The following ARHGEF15 variants were observed in gnomAD, a reference collection of about 807,000 sequenced individuals.
ARHGEF15 encodes the protein Rho guanine nucleotide exchange factor 15.
Under a neutral mutation model 79.7 loss-of-function variants are expected in ARHGEF15, and 58 were observed. That is an observed-to-expected ratio of 0.73 (90% CI 0.59 to 0.91). ARHGEF15 has a LOEUF of 0.91. Among genes scored for constraint, ARHGEF15 ranks in the 40% least tolerant of loss-of-function variants. The probability of loss-of-function intolerance (pLI) is 0.00; values close to 1 mark genes in which losing one functional copy is unlikely to be tolerated. For missense variants in ARHGEF15, 1,012 were observed against 1,108.1 expected, an observed-to-expected ratio of 0.91 and a Z score of 1.23; for synonymous variants, 442 against 456.0, an observed-to-expected ratio of 0.97 and a Z score of 0.39.
chr17:8,321,614 T>G lies in ARHGEF15; in HGVS notation c.*621T>G, dbSNP rs1905390669. 1 of 151,624 alleles carries G rather than the reference T, an allele frequency of 6.6e-6. No individual in the cohort carries two copies. Among genetic ancestry groups the G allele is most frequent in the African/African-American group, 2.4e-5 (1 of 41,162 alleles). The allele number at this position is 151,624 out of a possible 1,614,324, so 9.4% of individuals were successfully genotyped here. ...GTGCATGTGTAGATATGTGTGTATATGTATCAGGAAAGGCATTCTGCTGAC... is the reference window on the plus strand; with the variant it reads ...GTGCATGTGTAGATATGTGTGTATAGGTATCAGGAAAGGCATTCTGCTGAC... On this transcript the variant is annotated 3_prime_UTR_variant, in exon 16 of 16. Transcript: ENST00000361926.
chr17:8,321,043 C>T lies in ARHGEF15; in HGVS notation c.*50C>T, dbSNP rs1406991793. On this transcript the variant is annotated 3_prime_UTR_variant, in exon 16 of 16. Transcript: ENST00000361926. Reference sequence around the variant, plus strand: ...TTGGGAGACACCTACCAGTGTGGCACGGAGAGAACAAAGCCCATTCATCCA... The same window carrying T: ...TTGGGAGACACCTACCAGTGTGGCATGGAGAGAACAAAGCCCATTCATCCA... The T allele has an allele frequency of 2.6e-5, 41 of 1,607,448 alleles. No individual in the cohort carries two copies. Among genetic ancestry groups the T allele is most frequent in the Non-Finnish European group, 3.2e-5 (38 of 1,175,330 alleles).
In ARHGEF15 at chr17:8,312,126, G is replaced by T; in HGVS notation, c.87G>T (p.Arg29Ser). 1 of 1,541,968 alleles carries T rather than the reference G, an allele frequency of 6.5e-7. No homozygotes were observed. Among genetic ancestry groups the T allele is most frequent in the Non-Finnish European group, 8.7e-7 (1 of 1,147,980 alleles). ...GCCCCCGCCCTCCTTCTCGTTCCAG[G>T]GCTGCCCAGTCCCCAGGGCCTCCCC... Reference protein sequence around the residue: ...IIRPRPPSRSRAAQSPGPPHN... With the variant: ...IIRPRPPSRSSAAQSPGPPHN... The change falls in exon 2 of 16, where the codon AGG (arginine) becomes AGT (serine). Residue 29 changes from arginine to serine, a missense_variant. Coordinates refer to ENST00000361926, the MANE Select transcript of ARHGEF15 (RefSeq NM_173728.4).
At chr17:8,312,704 C>G in intron 2 of ARHGEF15, 64 bp downstream of exon 2, 1 of 1,608,344 alleles carries the variant, frequency 6.2e-7, no homozygotes, top group East Asian at 2.2e-5. Context: ...GTTTTCAGTG[C>G]TAACAACTTT....
rs1366689702 is a variant in ARHGEF15 at position 8,318,247 on chromosome 17, G to C, written c.1705-140G>C. The C allele has an allele frequency of 3.1e-5, 25 of 800,880 alleles. No individual in the cohort carries two copies. In the East Asian group the frequency reaches 4.2e-4, roughly 13 times the overall value. The allele number at this position is 800,880 out of a possible 1,614,324, so 49.6% of individuals were successfully genotyped here. Reference sequence around the variant, plus strand: ...CAGAGAGGTAACAGGACTTGCTCAGGGTTCTGCAGATGGTGAGTGATGAGG... The same window carrying C: ...CAGAGAGGTAACAGGACTTGCTCAGCGTTCTGCAGATGGTGAGTGATGAGG... On this transcript the variant is annotated intron_variant, in intron 9 of 15. Coordinates refer to ENST00000361926, the MANE Select transcript of ARHGEF15 (RefSeq NM_173728.4). The surrounding 1 kb of genome is among the most constrained non-coding windows in gnomAD (Gnocchi z 5.0).
chr17:8,312,859 G>A, intron 2 of ARHGEF15, 63 bp from the exon 3 acceptor site: 2 of 1,566,054 alleles, frequency 1.3e-6, no homozygotes, highest in Non-Finnish European at 1.7e-6. Flanking sequence ...AGATGGAGAT[G>A]GTCTGGGCGG....
chr17:8,313,057 C>A lies in ARHGEF15; in HGVS notation c.737C>A (p.Thr246Asn), dbSNP rs760027686. Residue 246 changes from threonine (T) to asparagine (N), a missense_variant, in exon 3 of 16, where the codon ACC becomes AAC. Physicochemically the swap from Thr to Asn is moderately conservative, Grantham distance 65 (BLOSUM62 0). This residue lies in a region of ARHGEF15 where 818 missense variants were observed against 882.5 expected (regional missense o/e 0.93). Coordinates refer to ENST00000361926, the MANE Select transcript of ARHGEF15 (RefSeq NM_173728.4). ...RVPRRASPLR[T>N]SRSRPHPPSI... Reference sequence around the variant, plus strand: ...CCCCGTCGGGCCTCCCCGCTGCGGACCTCTCGCTCCCGCCCCCACCCTCCA... The same window carrying A: ...CCCCGTCGGGCCTCCCCGCTGCGGAACTCTCGCTCCCGCCCCCACCCTCCA... The A allele has an allele frequency of 3.0e-5, 48 of 1,613,424 alleles. No individual in the cohort carries two copies. Among genetic ancestry groups the A allele is most frequent in the Non-Finnish European group, 3.6e-5 (42 of 1,179,830 alleles).
Position 8,321,234 on chromosome 17 carries a change from C to A in ARHGEF15, c.*241C>A. On this transcript the variant is annotated 3_prime_UTR_variant, in exon 16 of 16. Coordinates refer to ENST00000361926, the MANE Select transcript of ARHGEF15 (RefSeq NM_173728.4). ...GAGACAGAGGCTTAGTGCAGAGCAG[C>A]CAATGGGTACTGAGCTGGCTGAGCC... 5.5e-6 allele frequency: 3 copies of A among 547,006 alleles called. No homozygotes were observed. The East Asian group carries it at 9.5e-5, about 17-fold the overall frequency. The allele number at this position is 547,006 out of a possible 1,614,324, so 33.9% of individuals were successfully genotyped here.
chr17:8,317,453 G>T (rs1905098502), intron 9 of ARHGEF15, among the ~76,000 whole-genome samples: 1 of 152,018 alleles, frequency 6.6e-6, no homozygotes, highest in Non-Finnish European at 1.5e-5. Context: ...GTGTCTTTAT[G>T]ATCTTATTCA....
Position 8,318,296 on chromosome 17 carries a change from C to A in ARHGEF15, c.1705-91C>A. ...GGTCTGTCAGCCTTGTTGAAACTGG[C>A]TGAAACAGACAGGGTCCTCTGAGCT... On this transcript the variant is annotated intron_variant, in intron 9 of 15. Coordinates refer to ENST00000361926, the MANE Select transcript of ARHGEF15 (RefSeq NM_173728.4). This position sits in a 1 kb window ranked among gnomAD's most constrained non-coding sequence, Gnocchi z 5.0. The A allele has an allele frequency of 7.8e-7, 1 of 1,277,522 alleles. No individual in the cohort carries two copies. The highest frequency in any genetic ancestry group is 1.1e-6 in the Non-Finnish European group (1 of 910,366). The allele number at this position is 1,277,522 out of a possible 1,614,324, so 79.1% of individuals were successfully genotyped here.
Position 8,318,263 on chromosome 17 carries a change from A to T in ARHGEF15, c.1705-124A>T. 1 of 882,308 alleles carries T rather than the reference A, an allele frequency of 1.1e-6. No individual in the cohort carries two copies. The highest frequency in any genetic ancestry group is 1.7e-5 in the African/African-American group (1 of 59,524). 54.7% of individuals were successfully genotyped at this position (882,308 alleles called of 1,614,324 possible). A position where few individuals can be genotyped will look rare whatever the true frequency, so the allele number is the denominator to read the frequency against. On this transcript the variant is annotated intron_variant, in intron 9 of 15. Coordinates refer to ENST00000361926, the MANE Select transcript of ARHGEF15 (RefSeq NM_173728.4). This position sits in a 1 kb window ranked among gnomAD's most constrained non-coding sequence, Gnocchi z 5.0. The stretch of plus-strand genomic sequence containing the variant: ...CTTGCTCAGGGTTCTGCAGATGGTG[A>T]GTGATGAGGTCTGTCAGCCTTGTTG...
rs760954121 is a variant in ARHGEF15, at chr17:8,315,307, G to A, written c.1260+30G>A. ...GAGCTGGAGGTGGGAGATGGGAGGG[G>A]GGTGCTGGGGTTGGGCTGCATGGGT... On this transcript the variant is annotated intron_variant, in intron 6 of 15. Coordinates refer to ENST00000361926, the MANE Select transcript of ARHGEF15 (RefSeq NM_173728.4). This position sits in a 1 kb window ranked among gnomAD's most constrained non-coding sequence, Gnocchi z 4.3. 1.2e-6 allele frequency: 2 copies of A among 1,611,810 alleles called. No individual in the cohort carries two copies. Among genetic ancestry groups the A allele is most frequent in the South Asian group, 2.2e-5 (2 of 90,950 alleles).
At chr17:8,314,355 T>G (rs1038635005) in intron 4 of ARHGEF15, among the ~76,000 whole-genome samples, 3 of 152,130 alleles carry the variant, frequency 2.0e-5, no homozygotes, top group Non-Finnish European at 4.4e-5. Context: ...GTTTTTAGCT[T>G]GGGCGAATGG....
At chr17:8,314,588 C>T (rs757530248) in intron 4 of ARHGEF15, among the ~76,000 whole-genome samples, 1 of 151,964 alleles carries the variant, frequency 6.6e-6, no homozygotes, top group South Asian at 2.1e-4. Flanking sequence ...GGGCTCCTCT[C>T]TAAAAGGCAC....
At chr17:8,316,440 C>T (rs1327165031) in intron 9 of ARHGEF15, among the ~76,000 whole-genome samples, 1 of 152,184 alleles carries the variant, frequency 6.6e-6, no homozygotes, top group East Asian at 1.9e-4. Flanking sequence ...TCTGAGTGAC[C>T]TTAGGCAAGT....
Position 8,315,389 on chromosome 17 carries a change from C to T in ARHGEF15, c.1261-25C>T, listed in dbSNP as rs755617318. 1.2e-6 allele frequency: 2 copies of T among 1,613,528 alleles called. No homozygotes were observed. Among genetic ancestry groups the T allele is most frequent in the African/African-American group, 2.7e-5 (2 of 74,838 alleles). On this transcript the variant is annotated intron_variant, in intron 6 of 15. Coordinates refer to ENST00000361926, the MANE Select transcript of ARHGEF15 (RefSeq NM_173728.4). This position sits in a 1 kb window ranked among gnomAD's most constrained non-coding sequence, Gnocchi z 4.3. ...GCTTCCCACGGTGAACTGGGCTTCC[C>T]ACGACTGCCTGCTTTTCTTTCTAGA...
chr17:8,318,194 C>T lies in ARHGEF15; in HGVS notation c.1705-193C>T. The T allele has an allele frequency of 1.6e-6, 1 of 609,130 alleles. No individual in the cohort carries two copies. The allele number at this position is 609,130 out of a possible 1,614,324, so 37.7% of individuals were successfully genotyped here. A position where few individuals can be genotyped will look rare whatever the true frequency, so the allele number is the denominator to read the frequency against. ...TTGATATGCTAGGTGGGTATTAGCC[C>T]CATTTTACAGATAGGGAAGCTGAGG... On this transcript the variant is annotated intron_variant, in intron 9 of 15. Transcript: ENST00000361926. This position sits in a 1 kb window ranked among gnomAD's most constrained non-coding sequence, Gnocchi z 5.0.
chr17:8,318,388 A>G lies in ARHGEF15; in HGVS notation c.1706A>G (p.Asn569Ser). The G allele has an allele frequency of 6.2e-7, 1 of 1,613,716 alleles. No homozygotes were observed. Among genetic ancestry groups the G allele is most frequent in the Non-Finnish European group, 8.5e-7 (1 of 1,179,924 alleles). ...GTCACCCTTCCTCCTTGTCCCCAGA[A>G]TATCCTGCGCCAGACAGAAGAGGGG... ...RITRLRMLLQ[N>S]ILRQTEEGSS... Residue 569 changes from asparagine to serine, a missense_variant and splice_region_variant, in exon 10 of 16, where the codon AAT (asparagine) becomes AGT (serine). Coordinates refer to ENST00000361926, the MANE Select transcript of ARHGEF15 (RefSeq NM_173728.4). This position sits in a 1 kb window ranked among gnomAD's most constrained non-coding sequence, Gnocchi z 5.0.
At chr17:8,312,719 G>C in intron 2 of ARHGEF15, 79 bp downstream of exon 2, 4 of 1,605,286 alleles carry the variant, frequency 2.5e-6, no homozygotes, top group Non-Finnish European at 3.4e-6. Context: ...AACTTTCAGG[G>C]GCTACCTTTT....
rs138590059 is a variant in ARHGEF15, at chr17:8,319,366, C to T, written c.2241C>T (p.Cys747=). 1.2e-6 allele frequency: 2 copies of T among 1,613,956 alleles called. No individual in the cohort carries two copies. Among genetic ancestry groups the T allele is most frequent in the African/African-American group, 1.3e-5 (1 of 74,942 alleles). Residue 747 remains cysteine, a synonymous_variant, in exon 14 of 16, where the codon TGC becomes TGT. Transcript: ENST00000361926. ...TCCCAACCCCAGGCCCCCTTCCCTG[C>T]TCCCCAGACACCATCTATGAGGACT... ...GAFPTPGPLP[C]SPDTIYEDCD... is the part of the protein sequence containing the mutation.
Sources: gnomAD v4.1 joint callset for allele counts (sites outside exome capture counted in the v4.1 genomes callset) on GRCh38, gnomAD v4.1.1 for gene constraint, gnomAD v4.1.1 regional missense constraint, Gnocchi (gnomAD v3.1) non-coding constraint, MANE v1.5 for transcripts, NCBI Gene and HGNC (gene_info 2026-07-23, HGNC 2026-07-21) for gene names.